Variants in CAMK1D observed in about 807,000 individuals in gnomAD.
The protein encoded by CAMK1D is calcium/calmodulin dependent protein kinase ID.
In CAMK1D, 9 loss-of-function variants were observed where a neutral mutation model predicts 47.7. That is an observed-to-expected ratio of 0.19 (90% confidence interval 0.11 to 0.33). CAMK1D has a LOEUF of 0.33. CAMK1D is among the 10% of genes least tolerant of loss of function. The probability of loss-of-function intolerance (pLI) is 1.00; values close to 1 mark genes in which losing one functional copy is unlikely to be tolerated. For synonymous variants in CAMK1D, 184 were observed against 184.9 expected, an observed-to-expected ratio of 0.99 and a Z score of 0.04; for missense variants, 291 against 488.7, an observed-to-expected ratio of 0.60 and a Z score of 3.81.
At chr10:12,552,102 T>C (rs1270266929) in intron 1 of CAMK1D, among the ~76,000 whole-genome samples, 1 of 152,020 alleles carries the variant, frequency 6.6e-6, no homozygotes, top group Non-Finnish European at 1.5e-5. Context: ...ATTAGTGGAG[T>C]TCTGCACGCA....
chr10:12,688,919 C>G (rs8181382), intron 3 of CAMK1D, among the ~76,000 whole-genome samples: 129,406 of 152,254 alleles, frequency 0.85, 55,309 homozygotes, highest in Non-Finnish European at 0.9. Context: ...CTGACCTCAG[C>G]AGATCCACCT....
intron 1 of CAMK1D, among the ~76,000 whole-genome samples, chr10:12,478,172 A>AT (rs1833958135): frequency 6.7e-6 from 1 of 148,574 alleles, no homozygotes; most frequent in Admixed American, 6.7e-5. Flanking sequence ...CGCTCTGCTA[A>AT]TTTTTTTGTA....
intron 1 of CAMK1D, among the ~76,000 whole-genome samples, chr10:12,475,151 A>G (rs1250891206): frequency 6.6e-6 from 1 of 152,132 alleles, no homozygotes; most frequent in Non-Finnish European, 1.5e-5. Context: ...CATTGTAATC[A>G]TCTTATAATG....
At chr10:12,486,737 G>A (rs1014943598) in intron 1 of CAMK1D, among the ~76,000 whole-genome samples, 4 of 152,222 alleles carry the variant, frequency 2.6e-5, no homozygotes, top group African/African-American at 9.7e-5. Context: ...GTTACAGGCA[G>A]TGAGCCAGAG....
chr10:12,627,370 C>A (rs1839251212), intron 2 of CAMK1D, among the ~76,000 whole-genome samples: 1 of 152,138 alleles, frequency 6.6e-6, no homozygotes, highest in South Asian at 2.1e-4. Flanking sequence ...CAGGCGTGAG[C>A]CACTGCGCCT....
intron 1 of CAMK1D, among the ~76,000 whole-genome samples, chr10:12,550,211 C>T (rs183350297): frequency 2.0e-5 from 3 of 152,290 alleles, no homozygotes; most frequent in African/African-American, 7.2e-5. Context: ...ATTGGGGTGT[C>T]ATCAGCATTA....
chr10:12,485,343 C>G (rs1834182154), intron 1 of CAMK1D, among the ~76,000 whole-genome samples: 1 of 152,136 alleles, frequency 6.6e-6, no homozygotes, highest in Non-Finnish European at 1.5e-5. Flanking sequence ...TCAGAGCTTC[C>G]TGGGGATTCT....
intron 3 of CAMK1D, among the ~76,000 whole-genome samples, chr10:12,686,552 G>C (rs1006982473): frequency 1.3e-5 from 2 of 152,042 alleles, no homozygotes; most frequent in African/African-American, 4.8e-5. Context: ...TGGAACTCCT[G>C]ACCTCAAATG....
intron 1 of CAMK1D, among the ~76,000 whole-genome samples, chr10:12,401,282 T>A (rs565857504): frequency 8.2e-5 from 3 of 36,506 alleles, no homozygotes; most frequent in African/African-American, 3.5e-4. Context: ...TGTATATATT[T>A]TATATATATA....
intron 2 of CAMK1D, among the ~76,000 whole-genome samples, chr10:12,632,200 C>A (rs1196842611): frequency 6.6e-6 from 1 of 152,188 alleles, no homozygotes; most frequent in East Asian, 1.9e-4. Flanking sequence ...CCAAATCTTT[C>A]TCTCCCATTT....
chr10:12,735,969 A>C (rs952480030), intron 3 of CAMK1D, among the ~76,000 whole-genome samples: 3 of 152,208 alleles, frequency 2.0e-5, no homozygotes, highest in African/African-American at 7.2e-5. Flanking sequence ...CATAGCACTG[A>C]GCCAGTGAAT....
At chr10:12,697,390 T>C (rs915126622) in intron 3 of CAMK1D, among the ~76,000 whole-genome samples, 1 of 152,196 alleles carries the variant, frequency 6.6e-6, no homozygotes, top group African/African-American at 2.4e-5. Flanking sequence ...CTAAGTATTT[T>C]GAGAATGCAA....
rs1836653381 is a variant in CAMK1D at position 12,553,409 on chromosome 10, C to T, written c.224+53C>T. On this transcript the variant is annotated intron_variant, in intron 2 of 10. Transcript: ENST00000619168. The stretch of plus-strand genomic sequence containing the variant: ...CTTCCCTACCTCCTGGCCCGTGTGT[C>T]CTGCAGGAGTCCTGCCCCGGAGGCA... 6.9e-6 allele frequency: 10 copies of T among 1,454,586 alleles called. No individual in the cohort carries two copies. In the Admixed American group the frequency reaches 1.5e-4, roughly 22 times the overall value. The allele number at this position is 1,454,586 out of a possible 1,614,324, so 90.1% of individuals were successfully genotyped here.
chr10:12,426,555 T>C (rs1840239821), intron 1 of CAMK1D, among the ~76,000 whole-genome samples: 1 of 150,586 alleles, frequency 6.6e-6, no homozygotes, highest in Non-Finnish European at 1.5e-5. Context: ...GGGAATTTTT[T>C]CTTTTTGAGA....
intron 2 of CAMK1D, among the ~76,000 whole-genome samples, chr10:12,559,589 A>C (rs1360352017): frequency 6.6e-6 from 1 of 152,134 alleles, no homozygotes; most frequent in Non-Finnish European, 1.5e-5. Context: ...CCTTCAGGAG[A>C]GGCTTCATTG....
At chr10:12,714,152 G>A (rs74425896) in intron 3 of CAMK1D, among the ~76,000 whole-genome samples, 5,234 of 152,244 alleles carry the variant, frequency 0.034, 132 homozygotes, top group African/African-American at 0.069. Flanking sequence ...TGCTGACTTG[G>A]AAGGTGGTGG....
intron 3 of CAMK1D, among the ~76,000 whole-genome samples, chr10:12,724,447 T>A (rs572559677): frequency 3.9e-5 from 6 of 152,328 alleles, no homozygotes; most frequent in African/African-American, 7.2e-5. Flanking sequence ...TCACTTCACT[T>A]ACAGGAGTTT....
intron 2 of CAMK1D, among the ~76,000 whole-genome samples, chr10:12,662,923 A>G (rs1189838723): frequency 6.6e-6 from 1 of 152,026 alleles, no homozygotes; most frequent in African/African-American, 2.4e-5. Context: ...GTTGGTTACT[A>G]GTTCTCCTTT....
intron 1 of CAMK1D, among the ~76,000 whole-genome samples, chr10:12,376,775 A>G (rs1382702220): frequency 6.8e-6 from 1 of 147,806 alleles, no homozygotes; most frequent in Non-Finnish European, 1.5e-5. Context: ...TTTTTTTGAG[A>G]CAGAGTCTTG....
Sources: gnomAD v4.1 joint callset for allele counts (sites outside exome capture counted in the v4.1 genomes callset) on GRCh38, gnomAD v4.1.1 for gene constraint, MANE v1.5 for transcripts, NCBI Gene and HGNC (gene_info 2026-07-23, HGNC 2026-07-21) for gene names.